CORO1C: variants seen among roughly 807,000 people sequenced by gnomAD.
CORO1C encodes coronin-1C.
In CORO1C, 14 loss-of-function variants were observed where a neutral mutation model predicts 51.2. The ratio of observed to expected loss-of-function variants is 0.27; its 90% CI spans 0.18 to 0.43. The LOEUF is 0.43. CORO1C is among the 20% of genes least tolerant of loss of function. The pLI is 1.00. For missense variants in CORO1C, 417 were observed against 607.8 expected, an observed-to-expected ratio of 0.69 and a Z score of 3.30; for synonymous variants, 181 against 210.5, an observed-to-expected ratio of 0.86 and a Z score of 1.21.
At chr12:108,694,209 G>T (rs138132259) in intron 2 of CORO1C, among the ~76,000 whole-genome samples, 4 of 150,944 alleles carry the variant, frequency 2.6e-5, no homozygotes, top group African/African-American at 7.3e-5. Context: ...TTGAACCTGG[G>T]AGGTGGAGGC....
intron 3 of CORO1C, among the ~76,000 whole-genome samples, chr12:108,672,020 C>T (rs2033739172): frequency 6.6e-6 from 1 of 152,152 alleles, no homozygotes; most frequent in African/African-American, 2.4e-5. Context: ...GCCTCGGCCT[C>T]CCAAATTGCT....
At chr12:108,701,756 G>A (rs1332880332) in intron 1 of CORO1C, 1 of 187,466 alleles carries the variant, frequency 5.3e-6, no homozygotes, top group Non-Finnish European at 1.1e-5. Flanking sequence ...CGATTTTGTG[G>A]CTTTGTCCTC....
intron 2 of CORO1C, among the ~76,000 whole-genome samples, chr12:108,683,138 TGCCAGGTACAGTG>T (rs2034180650): frequency 6.6e-6 from 1 of 152,172 alleles, no homozygotes; most frequent in Admixed American, 6.5e-5. Flanking sequence ...TTAGAAAAGA[TGCCAGGTACAGTG>T]GCTCATGCCT....
At chr12:108,695,851 T>TAA (rs924887183) in intron 2 of CORO1C, among the ~76,000 whole-genome samples, 3,373 of 62,410 alleles carry the variant, frequency 0.054, 270 homozygotes, top group African/African-American at 0.17. Flanking sequence ...TTGGGAGAAC[T>TAA]AAAAAAAAAA....
chr12:108,648,002 T>A (rs955590197), intron 10 of CORO1C, among the ~76,000 whole-genome samples: 3 of 152,048 alleles, frequency 2.0e-5, no homozygotes, highest in African/African-American at 7.2e-5. Context: ...CCACTCCTTC[T>A]CTCTTACCCA....
At chr12:108,657,879 TAGA>T (rs1177326985) in intron 5 of CORO1C, among the ~76,000 whole-genome samples, 1 of 152,162 alleles carries the variant, frequency 6.6e-6, no homozygotes, top group African/African-American at 2.4e-5. Flanking sequence ...GGACAACCCT[TAGA>T]AGATGTCGGG....
At chr12:108,712,331 T>C (rs1485048401) in intron 1 of CORO1C, among the ~76,000 whole-genome samples, 1 of 151,886 alleles carries the variant, frequency 6.6e-6, no homozygotes, top group Non-Finnish European at 1.5e-5. Flanking sequence ...CCTAGCACTT[T>C]AGGCAACTGA....
chr12:108,718,916 C>G (rs2136884920), intron 1 of CORO1C, among the ~76,000 whole-genome samples: 1 of 152,264 alleles, frequency 6.6e-6, no homozygotes, highest in Admixed American at 6.5e-5. Context: ...AGGAAGAAAA[C>G]AGCACACATT....
chr12:108,668,668 C>A (rs1429682250), intron 3 of CORO1C, among the ~76,000 whole-genome samples: 1 of 152,166 alleles, frequency 6.6e-6, no homozygotes, highest in Non-Finnish European at 1.5e-5. Flanking sequence ...TAGCTGGAGA[C>A]AATTAAGACT....
chr12:108,670,461 C>A (rs1233803540), intron 3 of CORO1C, among the ~76,000 whole-genome samples: 1 of 152,078 alleles, frequency 6.6e-6, no homozygotes, highest in Non-Finnish European at 1.5e-5. Flanking sequence ...AGGAGACACT[C>A]CAGGAAATGA....
intron 3 of CORO1C, among the ~76,000 whole-genome samples, chr12:108,662,505 GA>G (rs929985946): frequency 6.6e-6 from 1 of 152,086 alleles, no homozygotes; most frequent in Non-Finnish European, 1.5e-5. Flanking sequence ...TGTTATCGGA[GA>G]TCAGGATACC....
At chr12:108,664,955 C>T (rs1431420792) in intron 3 of CORO1C, among the ~76,000 whole-genome samples, 2 of 152,186 alleles carry the variant, frequency 1.3e-5, no homozygotes, top group African/African-American at 2.4e-5. Flanking sequence ...ACTGTGACCC[C>T]ACTTAGAACT....
intron 2 of CORO1C, among the ~76,000 whole-genome samples, chr12:108,680,101 T>C (rs2034070475): frequency 6.6e-6 from 1 of 152,230 alleles, no homozygotes; most frequent in South Asian, 2.1e-4. Flanking sequence ...GACATTGTGC[T>C]GAGTGCTGGA....
chr12:108,726,721 G>C (rs1023085884), intron 1 of CORO1C, among the ~76,000 whole-genome samples: 2 of 151,728 alleles, frequency 1.3e-5, no homozygotes, highest in African/African-American at 4.8e-5. Flanking sequence ...CCATTCTCAT[G>C]AGTGTGACAG....
intron 2 of CORO1C, among the ~76,000 whole-genome samples, chr12:108,679,057 G>A (rs1489120525): frequency 7.4e-6 from 1 of 134,416 alleles, no homozygotes; most frequent in African/African-American, 2.9e-5. Context: ...GTTGCAGTGA[G>A]CCGAGATCGT....
chr12:108,714,504 T>C (rs1398486083), intron 1 of CORO1C, among the ~76,000 whole-genome samples: 1 of 149,808 alleles, frequency 6.7e-6, no homozygotes, highest in Admixed American at 6.6e-5. Context: ...ACATTACAGG[T>C]GCGGTGGTTC....
In CORO1C at chr12:108,652,529, G is replaced by A. The variant is rs141736646; in HGVS notation, c.856-112C>T. On this transcript the variant is annotated intron_variant, in intron 7 of 10. Coordinates refer to ENST00000261401, the MANE Select transcript of CORO1C (RefSeq NM_014325.4). ...CAGTAGTTGGGACCCCGCTTCAGTA[G>A]CTGACCTTTTCTTCCTCATAAAGAG... The A allele has an allele frequency of 2.2e-3, 1,753 of 783,820 alleles. 10 individuals are homozygous for A. The highest frequency in any genetic ancestry group is 3.1e-3 in the South Asian group (181 of 58,748). 48.6% of individuals were successfully genotyped at this position (783,820 alleles called of 1,614,324 possible).
intron 1 of CORO1C, 37 bp from the exon 2 acceptor site, chr12:108,701,360 C>T (rs1333258126): frequency 1.9e-6 from 3 of 1,613,070 alleles, no homozygotes; most frequent in Non-Finnish European, 1.7e-6. Context: ...TAGAATTATG[C>T]ACCAAACTGA....
At chr12:108,684,600 T>C (rs1345739933) in intron 2 of CORO1C, among the ~76,000 whole-genome samples, 1 of 152,140 alleles carries the variant, frequency 6.6e-6, no homozygotes, top group Non-Finnish European at 1.5e-5. Context: ...TAAACATATA[T>C]GTAATAAAAA....
Sources: allele counts gnomAD v4.1 joint callset (sites outside exome capture counted in the v4.1 genomes callset), GRCh38; gene constraint gnomAD v4.1.1; transcripts MANE v1.5; gene names NCBI Gene and HGNC (gene_info 2026-07-23, HGNC 2026-07-21).